The following DZANK1 variants were observed in gnomAD, a reference collection of about 807,000 sequenced individuals.
The protein encoded by DZANK1 is double zinc ribbon and ankyrin repeat domains 1.
Under a neutral mutation model 94.5 loss-of-function variants are expected in DZANK1, and 91 were observed. The observed-to-expected ratio is 0.96, with a 90% CI of 0.81 to 1.15. The LOEUF is 1.15. DZANK1 is among the 50% of genes most tolerant of loss of function. The probability of loss-of-function intolerance (pLI) is 0.00; values close to 1 mark genes in which losing one functional copy is unlikely to be tolerated. For synonymous variants in DZANK1, 312 were observed against 325.3 expected, an observed-to-expected ratio of 0.96 and a Z score of 0.44; for missense variants, 903 against 916.4, an observed-to-expected ratio of 0.99 and a Z score of 0.19.
chr20:18,394,261 G>C (rs2148222496), exon 16 of DZANK1: 5 of 1,613,336 alleles, frequency 3.1e-6, no homozygotes, highest in Non-Finnish European at 4.2e-6. Flanking sequence ...CACCCCAGCT[G>C]GACCTGCTGC....
intron 17 of DZANK1, among the ~76,000 whole-genome samples, chr20:18,391,969 G>C (rs546476962): frequency 3.9e-4 from 59 of 152,348 alleles, no homozygotes; most frequent in African/African-American, 1.3e-3. Context: ...GAATGCAGTA[G>C]GCATGTCAGC....
chr20:18,419,151 A>G (rs535157143), intron 10 of DZANK1, among the ~76,000 whole-genome samples: 3 of 151,714 alleles, frequency 2.0e-5, no homozygotes, highest in South Asian at 2.1e-4. Flanking sequence ...AATTCCAGCT[A>G]CTCGGGAGGG....
intron 6 of DZANK1, among the ~76,000 whole-genome samples, chr20:18,451,530 G>C (rs182232489): frequency 2.3e-3 from 343 of 152,154 alleles, no homozygotes; most frequent in Non-Finnish European, 3.5e-3. Flanking sequence ...TCAGACCTAA[G>C]CTTCAAATAC....
exon 21 of DZANK1, chr20:18,384,284 C>T (rs1252081122): frequency 2.6e-5 from 30 of 1,144,242 alleles, no homozygotes; most frequent in Non-Finnish European, 3.5e-5. Flanking sequence ...GTCTTGAACT[C>T]CCAACCTCAG....
At chr20:18,396,431 C>T (rs780715293) in intron 15 of DZANK1, 41 bp downstream of exon 15, 46 of 1,462,986 alleles carry the variant, frequency 3.1e-5, no homozygotes, top group East Asian at 4.6e-5. Flanking sequence ...ATTTACTAAT[C>T]GGTCAGTTCT....
intron 20 of DZANK1, 132 bp from the exon 21 acceptor site, chr20:18,384,696 A>G: frequency 3.1e-6 from 3 of 974,670 alleles, no homozygotes; most frequent in Non-Finnish European, 4.4e-6. Context: ...TCTCCCCAAG[A>G]GGTCACAGTG....
intron 18 of DZANK1, among the ~76,000 whole-genome samples, chr20:18,390,052 A>T (rs112728573): frequency 2.0e-5 from 3 of 150,952 alleles, no homozygotes; most frequent in African/African-American, 7.3e-5. Flanking sequence ...ATGGGCGGGG[A>T]GGGGAGGGCA....
At chr20:18,433,424 T>A (rs2058365506) in intron 9 of DZANK1, 5 of 470,646 alleles carry the variant, frequency 1.1e-5, no homozygotes, top group Non-Finnish European at 1.9e-5. Flanking sequence ...CGCCTGTAGT[T>A]CCAGCTACTC....
chr20:18,452,712 G>C (rs1246441419), intron 5 of DZANK1: 1 of 1,595,936 alleles, frequency 6.3e-7, no homozygotes, highest in Non-Finnish European at 8.5e-7. Context: ...CAAAGTTTTA[G>C]GGTCAGTTCT....
At chr20:18,411,951 CA>C (rs1338985424) in intron 13 of DZANK1, among the ~76,000 whole-genome samples, 2 of 152,054 alleles carry the variant, frequency 1.3e-5, no homozygotes, top group African/African-American at 2.4e-5. Context: ...GGCCAAAGGA[CA>C]AAAAGGGGCC....
chr20:18,457,966 A>T (rs1454261431), intron 3 of DZANK1, among the ~76,000 whole-genome samples: 1 of 152,120 alleles, frequency 6.6e-6, no homozygotes, highest in Admixed American at 6.5e-5. Flanking sequence ...CCCTCCTCAT[A>T]CGCATTGAAA....
At chr20:18,390,086 T>C (rs899197513) in intron 18 of DZANK1, among the ~76,000 whole-genome samples, 1 of 152,108 alleles carries the variant, frequency 6.6e-6, no homozygotes, top group South Asian at 2.1e-4. Context: ...CCTTGCTTCT[T>C]TAGGAAACCC....
intron 2 of DZANK1, 36 bp from the exon 3 acceptor site, chr20:18,460,342 C>G: frequency 1.4e-6 from 2 of 1,447,662 alleles, no homozygotes; most frequent in East Asian, 4.9e-5. Context: ...ATAATTAACA[C>G]CAAAGTAGCA....
intron 20 of DZANK1, 127 bp downstream of exon 20, chr20:18,384,889 G>T: frequency 1.1e-6 from 1 of 906,132 alleles, no homozygotes; most frequent in Non-Finnish European, 1.7e-6. Context: ...GGAAGCCATG[G>T]TGGGATGGTG....
intron 10 of DZANK1, among the ~76,000 whole-genome samples, chr20:18,424,276 C>A (rs1468009127): frequency 6.6e-6 from 1 of 151,824 alleles, no homozygotes; most frequent in East Asian, 1.9e-4. Context: ...ATGGTGAAAC[C>A]CCATCTCTAC....
chr20:18,413,532 A>G (rs1365351205), intron 12 of DZANK1, among the ~76,000 whole-genome samples: 2 of 152,210 alleles, frequency 1.3e-5, no homozygotes, highest in Non-Finnish European at 2.9e-5. Context: ...CTGTAATCTC[A>G]GCACTTTGGG....
At chr20:18,392,069 T>A (rs372433517) in intron 17 of DZANK1, among the ~76,000 whole-genome samples, 4 of 152,146 alleles carry the variant, frequency 2.6e-5, no homozygotes, top group African/African-American at 9.7e-5. Context: ...TCAAAAATAA[T>A]CACTGAATGA....
intron 7 of DZANK1, among the ~76,000 whole-genome samples, chr20:18,447,113 T>C (rs1601095265): frequency 6.6e-6 from 1 of 152,214 alleles, no homozygotes; most frequent in East Asian, 1.9e-4. Flanking sequence ...AAAAATGCTT[T>C]GGACAAAATC....
rs534475692 is a variant in DZANK1, at chr20:18,397,323, A to C, written c.1537-777T>G. ...CCTATTTGGCAGCAGAAGAGTACAC[A>C]GCCTATTTCATAAAGTTCCTTCTAG... On this transcript the variant is annotated intron_variant, in intron 14 of 20. Transcript: ENST00000262547. Among the ~76,000 whole-genome samples the C allele has an allele frequency of 9.2e-5, 14 of 152,354 alleles. No individual in the cohort carries two copies. In the South Asian group the frequency reaches 2.7e-3, roughly 29 times the overall value.
Sources: gnomAD v4.1 joint callset for allele counts (sites outside exome capture counted in the v4.1 genomes callset) on GRCh38, gnomAD v4.1.1 for gene constraint, MANE v1.5 for transcripts, NCBI Gene and HGNC (gene_info 2026-07-23, HGNC 2026-07-21) for gene names.